CUTC: variants seen among roughly 807,000 people sequenced by gnomAD.
CUTC encodes cutC copper transporter.
A neutral mutation model predicts 36.2 loss-of-function variants in CUTC; 27 were observed. The observed-to-expected ratio is 0.75, with a 90% CI of 0.55 to 1.03. CUTC has a LOEUF of 1.03. Among genes scored for constraint, CUTC ranks in the 50% least tolerant of loss-of-function variants. The pLI is 0.00. For missense variants in CUTC, 315 were observed against 343.5 expected, an observed-to-expected ratio of 0.92 and a Z score of 0.66; for synonymous variants, 114 against 118.3, an observed-to-expected ratio of 0.96 and a Z score of 0.24.
At position 99,743,244 on chromosome 10, in the gene CUTC, A is replaced by C; in HGVS notation, c.285A>C (p.Glu95Asp). The C allele has an allele frequency of 6.2e-7, 1 of 1,614,162 alleles. No individual in the cohort carries two copies. Among genetic ancestry groups the C allele is most frequent in the Non-Finnish European group, 8.5e-7 (1 of 1,180,028 alleles). Reference sequence around the variant, plus strand: ...GTGATTTTTTGTATTCAGATCGTGAAATTGAGGTGATGAAGGCTGACATTC... The same window carrying C: ...GTGATTTTTTGTATTCAGATCGTGACATTGAGGTGATGAAGGCTGACATTC... ...RGGDFLYSDR[E>D]IEVMKADIRL... Residue 95 changes from glutamate to aspartate, a missense_variant, in exon 4 of 9, where the codon GAA becomes GAC. Transcript: ENST00000370476.
intron 2 of CUTC, among the ~76,000 whole-genome samples, chr10:99,736,742 T>C (rs2037299855): frequency 6.6e-6 from 1 of 151,934 alleles, no homozygotes; most frequent in Non-Finnish European, 1.5e-5. Flanking sequence ...TTCAGAAAAA[T>C]TAAAAAAAAA....
At chr10:99,748,939 G>T (rs969537555) in intron 6 of CUTC, among the ~76,000 whole-genome samples, 18 of 152,138 alleles carry the variant, frequency 1.2e-4, no homozygotes, top group African/African-American at 4.3e-4. Flanking sequence ...CCTTATTAAA[G>T]TATTTATTTT....
intron 6 of CUTC, among the ~76,000 whole-genome samples, chr10:99,747,670 G>GT (rs944178694): frequency 2.0e-4 from 30 of 152,150 alleles, no homozygotes; most frequent in East Asian, 1.5e-3. Context: ...GGGCATTGCA[G>GT]TTTTTTTTAC....
At position 99,755,159 on chromosome 10, in the gene CUTC, C is replaced by A. The variant is rs2037445726; in HGVS notation, c.708-466C>A. On this transcript the variant is annotated intron_variant, in intron 8 of 8. Coordinates refer to ENST00000370476, the MANE Select transcript of CUTC (RefSeq NM_015960.3). ...ACAATTTAATAGTAGTTGAATATTT[C>A]TGTTTATAAATTGGGAAAAACACAA... Among the ~76,000 whole-genome samples the A allele has an allele frequency of 2.0e-5, 3 of 152,010 alleles. No individual in the cohort carries two copies. In the South Asian group the frequency reaches 6.2e-4, roughly 31 times the overall value.
chr10:99,750,532 G>T, intron 7 of CUTC, 136 bp downstream of exon 7: 1 of 525,752 alleles, frequency 1.9e-6, no homozygotes, highest in Non-Finnish European at 3.1e-6. Context: ...AGAATATATA[G>T]TTTGATTAAA....
Position 99,739,746 on chromosome 10 carries a change from A to AG in CUTC, c.176dup (p.Thr60AsnfsTer29), listed in dbSNP as rs762712218. On this transcript the variant is annotated frameshift_variant, in exon 3 of 9. Coordinates refer to ENST00000370476, the MANE Select transcript of CUTC (RefSeq NM_015960.3). LOFTEE classifies it high-confidence loss of function. The stretch of plus-strand genomic sequence containing the variant: ...ATTGAATTATGTTCTGGTTTATCAG[A>AG]GGGGGGAACTACACCCAGCATGGGT... The AG allele has an allele frequency of 6.2e-7, 1 of 1,611,678 alleles. No individual in the cohort carries two copies. The highest frequency in any genetic ancestry group is 1.1e-5 in the South Asian group (1 of 90,480).
chr10:99,749,675 A>G (rs2037402370), intron 6 of CUTC, among the ~76,000 whole-genome samples: 1 of 152,180 alleles, frequency 6.6e-6, no homozygotes, highest in Admixed American at 6.5e-5. Flanking sequence ...CCATTTGAGA[A>G]TATGAAGCAT....
At chr10:99,752,659 C>G (rs903456206) in intron 7 of CUTC, among the ~76,000 whole-genome samples, 1 of 152,134 alleles carries the variant, frequency 6.6e-6, no homozygotes, top group Non-Finnish European at 1.5e-5. Flanking sequence ...GTGTGCAAGG[C>G]ATTACTTGGG....
rs751765874 is a variant in CUTC at position 99,747,367 on chromosome 10, C to A, written c.550C>A (p.Leu184Ile). 1 of 1,613,978 alleles carries A rather than the reference C, an allele frequency of 6.2e-7. No individual in the cohort carries two copies. The highest frequency in any genetic ancestry group is 8.5e-7 in the Non-Finnish European group (1 of 1,179,910). Residue 184 changes from leucine to isoleucine, a missense_variant, in exon 6 of 9, where the codon CTA (leucine) becomes ATA (isoleucine). By Grantham distance (5) the Leu-to-Ile change is conservative (BLOSUM62 2). Coordinates refer to ENST00000370476, the MANE Select transcript of CUTC (RefSeq NM_015960.3). ...CAGTTCAGCATTAGAAGGGCTACCC[C>A]TAATAAAGCGACTCATTGAGCAGGT... ...CDSSALEGLPLIKRLIEQAKG... is the reference protein window; with the variant it reads ...CDSSALEGLPIIKRLIEQAKG...
chr10:99,753,551 A>C (rs375874662), intron 7 of CUTC, among the ~76,000 whole-genome samples: 4 of 152,270 alleles, frequency 2.6e-5, no homozygotes, highest in African/African-American at 9.6e-5. Flanking sequence ...GTGGGTCTAC[A>C]GGCACCCACC....
intron 7 of CUTC, among the ~76,000 whole-genome samples, chr10:99,753,134 T>C (rs2037431762): frequency 6.6e-6 from 1 of 152,242 alleles, no homozygotes; most frequent in African/African-American, 2.4e-5. Context: ...TCTGGAAAGA[T>C]GTATTACCTA....
intron 3 of CUTC, 110 bp downstream of exon 3, chr10:99,739,879 G>T: frequency 1.3e-6 from 1 of 760,676 alleles, no homozygotes; most frequent in Non-Finnish European, 2.2e-6. Context: ...ACTATGTTAT[G>T]GATGTTGTAT....
chr10:99,732,398 C>A lies in CUTC; in HGVS notation c.50C>A (p.Ser17Tyr). 1 of 1,551,818 alleles carries A rather than the reference C, an allele frequency of 6.4e-7. No individual in the cohort carries two copies. Among genetic ancestry groups the A allele is most frequent in the African/African-American group, 1.4e-5 (1 of 73,234 alleles). Residue 17 changes from serine (S) to tyrosine (Y), a missense_variant, in exon 1 of 9, where the codon TCC (serine) becomes TAC (tyrosine). Coordinates refer to ENST00000370476, the MANE Select transcript of CUTC (RefSeq NM_015960.3). ...SSERKRARIPSGKAGAANGFL... is the reference protein window; with the variant it reads ...SSERKRARIPYGKAGAANGFL... ...GAGCGAAAACGAGCGCGGATACCGT[C>A]CGGGAAGGCCGGTGCGGAAGGTGGC...
chr10:99,742,849 T>C (rs1385531065), intron 3 of CUTC, among the ~76,000 whole-genome samples: 1 of 152,212 alleles, frequency 6.6e-6, no homozygotes, highest in Non-Finnish European at 1.5e-5. Context: ...TGGGGAATAA[T>C]GTACTGGCAG....
chr10:99,737,898 C>CGCCGAGGCGGG (rs1590117609), intron 2 of CUTC, among the ~76,000 whole-genome samples: 2 of 152,212 alleles, frequency 1.3e-5, no homozygotes, highest in Non-Finnish European at 2.9e-5. Context: ...CCTGTAATCC[C>CGCCGAGGCGGG]AGCACTTTGG....
chr10:99,755,729 T>A lies in CUTC; in HGVS notation c.812T>A (p.Ile271Asn). 1 of 1,607,360 alleles carries A rather than the reference T, an allele frequency of 6.2e-7. No individual in the cohort carries two copies. Among genetic ancestry groups the A allele is most frequent in the Middle Eastern group, 1.7e-4 (1 of 6,050 alleles). ...VRTLNAIAKN[I>N]LV ...ACTTTGAATGCTATCGCAAAGAACA[T>A]CCTGGTGTAGCCAGACCTCTCTGAG... The change falls in exon 9 of 9, where the codon ATC becomes AAC. Residue 271 changes from isoleucine (I) to asparagine (N), a missense_variant. Transcript: ENST00000370476.
chr10:99,735,553 G>A (rs530437195), intron 1 of CUTC, among the ~76,000 whole-genome samples: 82 of 152,224 alleles, frequency 5.4e-4, no homozygotes, highest in Non-Finnish European at 9.6e-4. Context: ...GATTACAGGC[G>A]CATGCCACGA....
At chr10:99,738,647 G>T (rs1397499873) in intron 2 of CUTC, among the ~76,000 whole-genome samples, 1 of 152,066 alleles carries the variant, frequency 6.6e-6, no homozygotes, top group East Asian at 1.9e-4. Flanking sequence ...TCTGACCACT[G>T]TATTTCCTAT....
rs570825858 is a variant in CUTC at position 99,732,682 on chromosome 10, C to A, written c.61+273C>A. 4 of 1,309,608 alleles carry A rather than the reference C, an allele frequency of 3.1e-6. No individual in the cohort carries two copies. In the South Asian group the frequency reaches 7.3e-5, roughly 24 times the overall value. The allele number at this position is 1,309,608 out of a possible 1,614,324, so 81.1% of individuals were successfully genotyped here. A position where few individuals can be genotyped will look rare whatever the true frequency, so the allele number is the denominator to read the frequency against. The stretch of plus-strand genomic sequence containing the variant: ...CGACCTTGTGCAAGTTGGTTAACTT[C>A]AGCTTCACGTTTTTTCCGTCGCCAC... On this transcript the variant is annotated intron_variant, in intron 1 of 8. Coordinates refer to ENST00000370476, the MANE Select transcript of CUTC (RefSeq NM_015960.3).
Sources: allele counts gnomAD v4.1 joint callset (sites outside exome capture counted in the v4.1 genomes callset), GRCh38; gene constraint gnomAD v4.1.1; transcripts MANE v1.5; gene names NCBI Gene and HGNC (gene_info 2026-07-23, HGNC 2026-07-21).